TACR3: variants seen among roughly 807,000 people sequenced by gnomAD.
TACR3 encodes tachykinin receptor 3, also known as neuromedin-K receptor.
In TACR3, 34 loss-of-function variants were observed where a neutral mutation model predicts 35.0. The observed-to-expected ratio is 0.97, with a 90% CI of 0.74 to 1.30. TACR3 has a LOEUF of 1.30. Among genes scored for constraint, TACR3 ranks in the 50% most tolerant of loss-of-function variants. TACR3 has a pLI of 0.00. For synonymous variants in TACR3, 233 were observed against 221.1 expected (o/e 1.05, Z -0.48); for missense variants, 558 against 591.7 (o/e 0.94, Z 0.59).
At chr4:103,614,882 GTGTTTTTTT>G (rs1430439357) in intron 3 of TACR3, among the ~76,000 whole-genome samples, 1 of 90,818 alleles carries the variant, frequency 1.1e-5, no homozygotes, top group African/African-American at 4.4e-5. Context: ...GATTATGAAT[GTGTTTTTTT>G]TTTTTTTTTT....
intron 3 of TACR3, among the ~76,000 whole-genome samples, chr4:103,643,311 TTTTATTGGACAGCACTG>T (rs1322196623): frequency 4.6e-5 from 7 of 151,886 alleles, no homozygotes; most frequent in African/African-American, 1.7e-4. Flanking sequence ...TTGAAAAACT[TTTTATTGGACAGCACTG>T]TTCTAGAGTA....
intron 3 of TACR3, among the ~76,000 whole-genome samples, chr4:103,607,734 G>T (rs1434488115): frequency 1.3e-5 from 2 of 152,108 alleles, no homozygotes; most frequent in African/African-American, 4.8e-5. Flanking sequence ...AGAATAGAGA[G>T]TGAGAAGTGG....
chr4:103,629,596 C>T (rs1001014592), intron 3 of TACR3, among the ~76,000 whole-genome samples: 2 of 151,936 alleles, frequency 1.3e-5, no homozygotes, highest in Middle Eastern at 3.2e-3. Flanking sequence ...ATGTGGAGGA[C>T]CTCTTCAAGG....
chr4:103,617,911 G>A (rs909752406), intron 3 of TACR3, among the ~76,000 whole-genome samples: 9 of 152,124 alleles, frequency 5.9e-5, no homozygotes, highest in African/African-American at 2.2e-4. Context: ...GCACCTGGGG[G>A]AAGGTAATTA....
At chr4:103,627,809 A>G (rs1319146823) in intron 3 of TACR3, among the ~76,000 whole-genome samples, 1 of 152,200 alleles carries the variant, frequency 6.6e-6, no homozygotes, top group African/African-American at 2.4e-5. Flanking sequence ...AGACATCTGC[A>G]TAACTCTCCA....
chr4:103,597,081 T>C (rs1485652655), intron 3 of TACR3, among the ~76,000 whole-genome samples: 1 of 151,962 alleles, frequency 6.6e-6, no homozygotes, highest in African/African-American at 2.4e-5. Flanking sequence ...TGCGTCTTTA[T>C]AGCAGCATAA....
intron 1 of TACR3, among the ~76,000 whole-genome samples, chr4:103,684,639 A>G (rs566643508): frequency 1.3e-5 from 2 of 152,270 alleles, no homozygotes; most frequent in Non-Finnish European, 2.9e-5. Flanking sequence ...ACTGATCTAC[A>G]TATTTAATGC....
intron 3 of TACR3, among the ~76,000 whole-genome samples, chr4:103,623,825 G>T (rs79625302): frequency 0.014 from 2,141 of 152,234 alleles, 47 homozygotes; most frequent in African/African-American, 0.05. Flanking sequence ...TCTAGGAGAT[G>T]CTCCAGGAAA....
intron 1 of TACR3, among the ~76,000 whole-genome samples, chr4:103,671,635 T>C (rs1410322089): frequency 6.6e-6 from 1 of 152,076 alleles, no homozygotes; most frequent in East Asian, 1.9e-4. Flanking sequence ...AATTGTAATA[T>C]CTAATTTTTC....
rs1233777799 is a variant in TACR3 at position 103,719,615 on chromosome 4, C to A, written c.61G>T (p.Ala21Ser). Reference protein sequence around the residue: ...IDGGGGVGADAVNLTASLAAG... With the variant: ...IDGGGGVGADSVNLTASLAAG... ...GCTAGCGAGGCGGTCAGGTTCACGG[C>A]GTCTGCACCCACGCCTCCACCCCCG... The change falls in exon 1 of 5, where the codon GCC becomes TCC. Residue 21 changes from alanine to serine, a missense_variant. Ala to Ser is a moderately conservative substitution (Grantham distance 99). Transcript: ENST00000304883. 17 of 1,613,544 alleles carry A rather than the reference C, an allele frequency of 1.1e-5. No individual in the cohort carries two copies. The highest frequency in any genetic ancestry group is 1.4e-5 in the Non-Finnish European group (16 of 1,179,860).
intron 3 of TACR3, among the ~76,000 whole-genome samples, chr4:103,605,022 T>C (rs1724321798): frequency 1.4e-5 from 2 of 139,828 alleles, no homozygotes; most frequent in Non-Finnish European, 3.0e-5. Flanking sequence ...GATGTTCCCC[T>C]TCCTGTGTCC....
At chr4:103,717,910 C>T (rs1177909860) in intron 1 of TACR3, among the ~76,000 whole-genome samples, 3 of 151,906 alleles carry the variant, frequency 2.0e-5, no homozygotes, top group Non-Finnish European at 1.5e-5. Flanking sequence ...GGAAGATTGA[C>T]GATTTTAGAG....
intron 3 of TACR3, among the ~76,000 whole-genome samples, chr4:103,650,309 G>A (rs1310515753): frequency 6.6e-6 from 1 of 151,518 alleles, no homozygotes; most frequent in African/African-American, 2.4e-5. Flanking sequence ...CACAGCACTG[G>A]GGTTCACCCA....
chr4:103,691,611 A>T (rs879867379), intron 1 of TACR3, among the ~76,000 whole-genome samples: 1 of 152,130 alleles, frequency 6.6e-6, no homozygotes, highest in African/African-American at 2.4e-5. Flanking sequence ...CATAAACTGG[A>T]CCCCAAACTG....
chr4:103,619,018 G>C (rs570712768), intron 3 of TACR3, among the ~76,000 whole-genome samples: 13 of 152,162 alleles, frequency 8.5e-5, no homozygotes, highest in African/African-American at 2.9e-4. Flanking sequence ...ATTTCACGTA[G>C]AGAATAATGC....
chr4:103,658,287 G>T lies in TACR3; in HGVS notation c.665C>A (p.Ser222Tyr), dbSNP rs1420611600. 3 of 1,613,922 alleles carry T rather than the reference G, an allele frequency of 1.9e-6. No individual in the cohort carries two copies. The change falls in exon 2 of 5, where the codon TCC becomes TAC. Residue 222 changes from serine to tyrosine, a missense_variant. Transcript: ENST00000304883. ...ACGGCCTGGCATGACTTTGGTTTTGGAATAAAGACACTGAGGGAAGGCAAG... is the reference window on the plus strand; with the variant it reads ...ACGGCCTGGCATGACTTTGGTTTTGTAATAAAGACACTGAGGGAAGGCAAG... ...FLLAFPQCLY[S>Y]KTKVMPGRTL...
rs751765989 is a variant in TACR3, at chr4:103,589,918, T to G, written c.1162A>C (p.Lys388Gln). 5 of 1,614,006 alleles carry G rather than the reference T, an allele frequency of 3.1e-6. No individual in the cohort carries two copies. The highest frequency in any genetic ancestry group is 3.4e-6 in the Non-Finnish European group (4 of 1,179,888). ...KVSSYDELEL[K>Q]TTRFHPNRQS... The stretch of plus-strand genomic sequence containing the variant: ...CGGTTTGGATGAAACCTGGTGGTCT[T>G]GAGCTCTAGCTCATCATAGCTGGAA... The change falls in exon 5 of 5, where the codon AAG becomes CAG. Residue 388 changes from lysine (K) to glutamine (Q), a missense_variant. By Grantham distance (53) the Lys-to-Gln change is moderately conservative. Transcript: ENST00000304883.
chr4:103,702,559 C>T (rs1722679750), intron 1 of TACR3, among the ~76,000 whole-genome samples: 2 of 151,838 alleles, frequency 1.3e-5, no homozygotes, highest in African/African-American at 4.8e-5. Flanking sequence ...GGGTATATAC[C>T]CAAAGGATTA....
rs1723176370 is a variant in TACR3, at chr4:103,719,864, C to T, written c.-189G>A. The T allele has an allele frequency of 1.4e-6, 1 of 704,620 alleles. No individual in the cohort carries two copies. Among genetic ancestry groups the T allele is most frequent in the Admixed American group, 2.9e-5 (1 of 34,714 alleles). The allele number at this position is 704,620 out of a possible 1,614,324, so 43.6% of individuals were successfully genotyped here. A position where few individuals can be genotyped will look rare whatever the true frequency, so the allele number is the denominator to read the frequency against. On this transcript the variant is annotated 5_prime_UTR_variant, in exon 1 of 5. It adds an upstream start codon to the 5' untranslated region. Coordinates refer to ENST00000304883, the MANE Select transcript of TACR3 (RefSeq NM_001059.3). ...CTGGGGCTAAGGGGCAACAGCTGCA[C>T]TTTCTCAGAGGCGCTTGCGGCTCTG...
Sources: allele counts gnomAD v4.1 joint callset (sites outside exome capture counted in the v4.1 genomes callset), GRCh38; gene constraint gnomAD v4.1.1; transcripts MANE v1.5; gene names NCBI Gene and HGNC (gene_info 2026-07-23, HGNC 2026-07-21).